The following RCL1 variants were observed in gnomAD, a reference collection of about 807,000 sequenced individuals.
The protein encoded by RCL1 is RNA 3'-terminal phosphate cyclase-like protein.
In RCL1, 24 loss-of-function variants were observed where a neutral mutation model predicts 42.4. The ratio of observed to expected loss-of-function variants is 0.57; its 90% confidence interval spans 0.41 to 0.80. RCL1 has a LOEUF of 0.80. Among genes scored for constraint, RCL1 ranks in the 30% least tolerant of loss-of-function variants. RCL1 has a pLI of 0.00. For synonymous variants in RCL1, 228 were observed against 177.3 expected, an observed-to-expected ratio of 1.29 and a Z score of -2.27; for missense variants, 578 against 467.9, an observed-to-expected ratio of 1.24 and a Z score of -2.17.
At position 4,795,082 on chromosome 9, in the gene RCL1, C is replaced by A. The variant is rs187467624; in HGVS notation, c.136+1855C>A. ...TTGTAGATGTTTGTCTGCTTAATTT[C>A]TTTCTTTTTTTTTGAGACAGAGTCT... is the stretch of plus-strand genomic sequence containing the variant. On this transcript the variant is annotated intron_variant, in intron 1 of 8. Coordinates refer to ENST00000381750, the MANE Select transcript of RCL1 (RefSeq NM_005772.5). 6.3e-5 allele frequency among the ~76,000 whole-genome samples: 9 copies of A among 142,756 alleles called. No individual in the cohort carries two copies. The East Asian group carries it at 1.6e-3, about 25-fold the overall frequency. The allele number at this position is 142,756 out of a possible 152,430, so 93.7% of individuals were successfully genotyped here.
intron 7 of RCL1, among the ~76,000 whole-genome samples, chr9:4,845,967 A>C (rs1386749709): frequency 6.6e-6 from 1 of 152,264 alleles, no homozygotes; most frequent in Non-Finnish European, 1.5e-5. Context: ...CAAGTTAAAT[A>C]AAATCAGTAA....
At chr9:4,840,895 A>G (rs1181101061) in intron 5 of RCL1, among the ~76,000 whole-genome samples, 2 of 152,022 alleles carry the variant, frequency 1.3e-5, no homozygotes, top group Non-Finnish European at 2.9e-5. Context: ...GGGAGCCTGG[A>G]TCATGACCCG....
At chr9:4,836,917 G>C (rs994773201) in intron 5 of RCL1, among the ~76,000 whole-genome samples, 1 of 152,098 alleles carries the variant, frequency 6.6e-6, no homozygotes, top group Non-Finnish European at 1.5e-5. Context: ...AGCCTTCCTG[G>C]GTTATGGTCT....
At chr9:4,851,660 G>T (rs1817752237) in intron 8 of RCL1, among the ~76,000 whole-genome samples, 1 of 151,704 alleles carries the variant, frequency 6.6e-6, no homozygotes, top group Non-Finnish European at 1.5e-5. Context: ...ATTTTTATGT[G>T]TAGTTAAAGT....
Position 4,834,675 on chromosome 9 carries a change from G to A in RCL1, c.584+410G>A, listed in dbSNP as rs187641682. ...TGCAAAATGATATGTGCAGTGGGGTGGGGGCCTGGAGTAGACAGTGGTCAA... is the reference window on the plus strand; with the variant it reads ...TGCAAAATGATATGTGCAGTGGGGTAGGGGCCTGGAGTAGACAGTGGTCAA... On this transcript the variant is annotated intron_variant, in intron 5 of 8. Coordinates refer to ENST00000381750, the MANE Select transcript of RCL1 (RefSeq NM_005772.5). Among the ~76,000 whole-genome samples, 95 of 151,830 alleles carry A rather than the reference G, an allele frequency of 6.3e-4. 1 individual carries two copies. Among genetic ancestry groups the A allele is most frequent in the South Asian group, 2.7e-3 (13 of 4,822 alleles).
chr9:4,810,439 G>A (rs747417687), intron 1 of RCL1, among the ~76,000 whole-genome samples: 6 of 152,146 alleles, frequency 3.9e-5, no homozygotes, highest in Non-Finnish European at 7.3e-5. Context: ...CATATAGTAC[G>A]TAATTGTTTG....
At chr9:4,858,943 G>A (rs1450407351) in intron 8 of RCL1, among the ~76,000 whole-genome samples, 1 of 152,202 alleles carries the variant, frequency 6.6e-6, no homozygotes, top group Non-Finnish European at 1.5e-5. Flanking sequence ...TCTATGAACT[G>A]GGGAGTACAG....
chr9:4,859,655 T>C (rs1045972681), intron 8 of RCL1, among the ~76,000 whole-genome samples: 2 of 152,182 alleles, frequency 1.3e-5, no homozygotes, highest in African/African-American at 4.8e-5. Context: ...GTTTCTGTCT[T>C]TGTATAGGCC....
rs568338317 is a variant in RCL1 at position 4,833,568 on chromosome 9, A to G, written c.459+340A>G. 5.9e-5 allele frequency among the ~76,000 whole-genome samples: 9 copies of G among 152,336 alleles called. No homozygotes were observed. In the East Asian group the frequency reaches 1.5e-3, roughly 26 times the overall value. On this transcript the variant is annotated intron_variant, in intron 4 of 8. Coordinates refer to ENST00000381750, the MANE Select transcript of RCL1 (RefSeq NM_005772.5). ...AGATTTGGGCCATATTGGCTCTCTG[A>G]TCTAAATGATCTGGATATAATTTAT...
intron 7 of RCL1, among the ~76,000 whole-genome samples, chr9:4,847,164 C>A (rs1563855285): frequency 6.6e-6 from 1 of 152,200 alleles, no homozygotes; most frequent in Non-Finnish European, 1.5e-5. Flanking sequence ...CAGACGTGAG[C>A]CACTGTGCCT....
intron 1 of RCL1, among the ~76,000 whole-genome samples, chr9:4,809,516 G>T (rs779973209): frequency 6.6e-6 from 1 of 152,060 alleles, no homozygotes; most frequent in African/African-American, 2.4e-5. Flanking sequence ...CACCAAGTTG[G>T]CCAGGCCGGT....
At chr9:4,842,832 A>G (rs1205976480) in intron 6 of RCL1, among the ~76,000 whole-genome samples, 3 of 152,232 alleles carry the variant, frequency 2.0e-5, no homozygotes, top group South Asian at 2.1e-4. Flanking sequence ...AAATGGCTTC[A>G]TCTCGATAGT....
intron 3 of RCL1, among the ~76,000 whole-genome samples, chr9:4,827,948 A>C (rs945524229): frequency 2.0e-5 from 3 of 152,064 alleles, no homozygotes; most frequent in African/African-American, 7.2e-5. Context: ...GCACTTTGGG[A>C]GGCCGAGGCG....
intron 5 of RCL1, among the ~76,000 whole-genome samples, chr9:4,837,256 T>C (rs963180243): frequency 2.3e-4 from 35 of 152,144 alleles, no homozygotes; most frequent in Non-Finnish European, 4.0e-4. Flanking sequence ...TCAAATCCTG[T>C]TGATGGCCAT....
At chr9:4,808,078 G>A (rs1816043983) in intron 1 of RCL1, among the ~76,000 whole-genome samples, 1 of 152,006 alleles carries the variant, frequency 6.6e-6, no homozygotes, top group South Asian at 2.1e-4. Flanking sequence ...TCGGTTCATG[G>A]TGGTGCTGAG....
chr9:4,801,954 G>A (rs1040894117), intron 1 of RCL1, among the ~76,000 whole-genome samples: 17 of 151,558 alleles, frequency 1.1e-4, no homozygotes, highest in African/African-American at 3.6e-4. Flanking sequence ...CTCTGTTGCC[G>A]CTGGAGTGCG....
intron 1 of RCL1, 124 bp downstream of exon 1, chr9:4,793,351 C>A: frequency 8.7e-7 from 1 of 1,151,300 alleles, no homozygotes; most frequent in Non-Finnish European, 1.2e-6. Context: ...TCGGGGAGGG[C>A]AGGTGGCGCG....
chr9:4,795,725 C>G (rs1253537025), intron 1 of RCL1, among the ~76,000 whole-genome samples: 2 of 152,176 alleles, frequency 1.3e-5, no homozygotes, highest in Admixed American at 1.3e-4. Flanking sequence ...TAAAACATCC[C>G]TCATGGTGTG....
Position 4,800,932 on chromosome 9 carries a change from G to A in RCL1, c.136+7705G>A, listed in dbSNP as rs150749629. On this transcript the variant is annotated intron_variant, in intron 1 of 8. Transcript: ENST00000381750. ...GCCTCCCAGAGTGCTGGGATTACAG[G>A]CGTGAGCCACCACACTGGCCTGGAT... 5.4e-3 allele frequency among the ~76,000 whole-genome samples: 815 copies of A among 152,236 alleles called. 6 individuals carry two copies. Among genetic ancestry groups the A allele is most frequent in the African/African-American group, 0.018 (752 of 41,534 alleles).
Sources: allele counts gnomAD v4.1 joint callset (sites outside exome capture counted in the v4.1 genomes callset), GRCh38; gene constraint gnomAD v4.1.1; transcripts MANE v1.5; gene names NCBI Gene and HGNC (gene_info 2026-07-23, HGNC 2026-07-21).